PTCHD1: variants seen among roughly 807,000 people sequenced by gnomAD.
PTCHD1 encodes the protein patched domain containing 1.
A neutral mutation model predicts 34.6 loss-of-function variants in PTCHD1; 3 were observed. The ratio of observed to expected loss-of-function variants is 0.09; its 90% CI spans 0.04 to 0.22. The LOEUF is 0.22. PTCHD1 is among the 10% of genes least tolerant of loss of function. The pLI is 1.00. For synonymous variants in PTCHD1, 305 were observed against 283.1 expected (o/e 1.08, Z -0.77); for missense variants, 504 against 685.5 (o/e 0.74, Z 2.96).
intron 2 of PTCHD1, among the ~76,000 whole-genome samples, chrX:23,380,960 A>G (rs1922548434): frequency 8.9e-6 from 1 of 111,765 alleles, no homozygotes; most frequent in Non-Finnish European, 1.9e-5. Flanking sequence ...AGCCTTCAGC[A>G]AGCTCAAGAA....
chrX:23,346,913 A>T (rs748939989), intron 1 of PTCHD1, among the ~76,000 whole-genome samples: 1 of 112,215 alleles, frequency 8.9e-6, no homozygotes, highest in Non-Finnish European at 1.9e-5. Context: ...GTGAACTATT[A>T]ATGTGTCCTT....
intron 1 of PTCHD1, among the ~76,000 whole-genome samples, chrX:23,370,751 A>G (rs1040087871): frequency 8.9e-6 from 1 of 112,337 alleles, no homozygotes; most frequent in African/African-American, 3.2e-5. Flanking sequence ...AGACATTTGT[A>G]TATTTTTTGA....
In PTCHD1 at chrX:23,404,282, T is replaced by C. The variant is rs1923186657; in HGVS notation, c.*10097T>C. Reference sequence around the variant, plus strand: ...TTCTTTTTTATTCATTTATTTTTAATTGACATAAAAATTGTATATATTTAT... The same window carrying C: ...TTCTTTTTTATTCATTTATTTTTAACTGACATAAAAATTGTATATATTTAT... On this transcript the variant is annotated 3_prime_UTR_variant, in exon 3 of 3. Coordinates refer to ENST00000379361, the MANE Select transcript of PTCHD1 (RefSeq NM_173495.3). 1 of 112,468 alleles carries C rather than the reference T, an allele frequency of 8.9e-6. No individual in the cohort carries two copies. The highest frequency in any genetic ancestry group is 3.7e-4 in the South Asian group (1 of 2,697). The allele number at this position is 112,468 out of a possible 1,213,427, so 9.3% of individuals were successfully genotyped here. A position where few individuals can be genotyped will look rare whatever the true frequency, so the allele number is the denominator to read the frequency against.
chrX:23,376,596 T>C (rs910494962), intron 1 of PTCHD1, among the ~76,000 whole-genome samples: 1 of 111,672 alleles, frequency 9.0e-6, no homozygotes, highest in Non-Finnish European at 1.9e-5. Flanking sequence ...TTTCCAAGAG[T>C]GGATTGTGTC....
chrX:23,378,783 G>T (rs1922478168), intron 1 of PTCHD1, among the ~76,000 whole-genome samples: 1 of 112,542 alleles, frequency 8.9e-6, no homozygotes, highest in African/African-American at 3.2e-5. Context: ...TGTAGTAGGG[G>T]CAGTTAAATT....
At chrX:23,361,906 T>C (rs1215699282) in intron 1 of PTCHD1, among the ~76,000 whole-genome samples, 2 of 112,189 alleles carry the variant, frequency 1.8e-5, no homozygotes, top group African/African-American at 6.5e-5. Flanking sequence ...CCTTCACTTA[T>C]GAAGCTTAGT....
At chrX:23,365,768 G>A (rs1035599616) in intron 1 of PTCHD1, among the ~76,000 whole-genome samples, 15 of 112,159 alleles carry the variant, frequency 1.3e-4, no homozygotes, top group African/African-American at 4.9e-4. Context: ...ACAAAGAAGT[G>A]TGGGTGCTGG....
intron 2 of PTCHD1, among the ~76,000 whole-genome samples, chrX:23,381,220 G>A (rs1001933067): frequency 3.6e-5 from 4 of 112,225 alleles, no homozygotes; most frequent in South Asian, 7.5e-4. Context: ...TCAGGGGGCT[G>A]CTGGAACTCC....
At chrX:23,371,276 A>G (rs1008944107) in intron 1 of PTCHD1, among the ~76,000 whole-genome samples, 1 of 111,958 alleles carries the variant, frequency 8.9e-6, no homozygotes, top group Non-Finnish European at 1.9e-5. Flanking sequence ...CCTGGAGTCA[A>G]GCACTTCATG....
In PTCHD1 at chrX:23,394,405, CATAG is replaced by C. The variant is rs1387505139; in HGVS notation, c.*222_*225del. ...GAGTTGTTATGAGAATTCACACACA[CATAG>C]ACACACACACACACACACACACACA... On this transcript the variant is annotated 3_prime_UTR_variant, in exon 3 of 3. Coordinates refer to ENST00000379361, the MANE Select transcript of PTCHD1 (RefSeq NM_173495.3). The C allele has an allele frequency of 2.1e-5, 7 of 328,187 alleles. No homozygotes were observed. The highest frequency in any genetic ancestry group is 1.6e-4 in the African/African-American group (4 of 24,334). 27.0% of individuals were successfully genotyped at this position (328,187 alleles called of 1,213,427 possible).
chrX:23,335,774 C>G (rs1417880194), intron 1 of PTCHD1, among the ~76,000 whole-genome samples: 1 of 111,361 alleles, frequency 9.0e-6, no homozygotes, highest in African/African-American at 3.3e-5. Context: ...ATGAAGATGC[C>G]TCCCACCCAC....
chrX:23,374,280 CAAAAAAAAAAAAAA>C (rs752214252), intron 1 of PTCHD1, among the ~76,000 whole-genome samples: 5 of 24,543 alleles, frequency 2.0e-4, no homozygotes, highest in Admixed American at 1.9e-3. Context: ...GAAACAAATA[CAAAAAAAAAAAAAA>C]AAAAAAAAAA....
chrX:23,394,407 T>C lies in PTCHD1; in HGVS notation c.*222T>C, dbSNP rs761567277. 277 of 190,422 alleles carry C rather than the reference T, an allele frequency of 1.5e-3. 3 individuals are homozygous for C. The African/African-American group carries it at 0.017, about 11-fold the overall frequency. 15.7% of individuals were successfully genotyped at this position (190,422 alleles called of 1,213,427 possible). On this transcript the variant is annotated 3_prime_UTR_variant, in exon 3 of 3. Transcript: ENST00000379361. ...GTTGTTATGAGAATTCACACACACA[T>C]AGACACACACACACACACACACACA...
intron 1 of PTCHD1, among the ~76,000 whole-genome samples, chrX:23,377,441 C>A (rs1029075155): frequency 1.8e-4 from 20 of 111,456 alleles, no homozygotes; most frequent in Admixed American, 2.9e-4. Context: ...TTCACTGGGC[C>A]ATGCTTAGAG....
intron 1 of PTCHD1, among the ~76,000 whole-genome samples, chrX:23,353,783 CATATGAAGGGTAG>C (rs1279378902): frequency 2.7e-5 from 3 of 111,364 alleles, no homozygotes; most frequent in African/African-American, 3.3e-5. Flanking sequence ...AGTCTGGTGG[CATATGAAGGGTAG>C]ATGGAAAGCA....
rs1170160798 is a variant in PTCHD1, at chrX:23,399,765, G to A, written c.*5580G>A. The A allele has an allele frequency of 1.8e-5, 2 of 111,942 alleles. No individual in the cohort carries two copies. The highest frequency in any genetic ancestry group is 5.6e-4 in the East Asian group (2 of 3,589). The allele number at this position is 111,942 out of a possible 1,213,427, so 9.2% of individuals were successfully genotyped here. ...AATATGCCCTCCACAGCAGGACCAG[G>A]AAAGGAGCCCTCTGTACTGTGCTCT... On this transcript the variant is annotated 3_prime_UTR_variant, in exon 3 of 3. Coordinates refer to ENST00000379361, the MANE Select transcript of PTCHD1 (RefSeq NM_173495.3).
chrX:23,334,496 C>G (rs1482996137), upstream of PTCHD1: 3 of 109,147 alleles, frequency 2.7e-5, no homozygotes, highest in Non-Finnish European at 5.8e-5. Context: ...GGGGGCTGCC[C>G]CGGGCCCCGC....
chrX:23,344,527 A>G (rs1166885702), intron 1 of PTCHD1, among the ~76,000 whole-genome samples: 1 of 112,197 alleles, frequency 8.9e-6, no homozygotes, highest in Non-Finnish European at 1.9e-5. Context: ...CTCAAGCTAC[A>G]TTCAATACTC....
At chrX:23,361,768 G>GT (rs1044740573) in intron 1 of PTCHD1, among the ~76,000 whole-genome samples, 1 of 112,317 alleles carries the variant, frequency 8.9e-6, no homozygotes, top group African/African-American at 3.2e-5. Context: ...AATTTGGCAT[G>GT]TTTTTGCAGT....
Sources: allele counts gnomAD v4.1 joint callset (sites outside exome capture counted in the v4.1 genomes callset), GRCh38; gene constraint gnomAD v4.1.1; transcripts MANE v1.5; gene names NCBI Gene and HGNC (gene_info 2026-07-23, HGNC 2026-07-21).